Variants in SLC5A8 observed in about 807,000 individuals in gnomAD.
SLC5A8 encodes solute carrier family 5 member 8.
In SLC5A8, 55 loss-of-function variants were observed where a neutral mutation model predicts 71.9. That is an observed-to-expected ratio of 0.77 (90% CI 0.62 to 0.96). SLC5A8 has a LOEUF of 0.96. SLC5A8 is among the 40% of genes least tolerant of loss of function. The probability of loss-of-function intolerance (pLI) is 0.00; values close to 1 mark genes in which losing one functional copy is unlikely to be tolerated. For synonymous variants in SLC5A8, 307 were observed against 276.1 expected, an observed-to-expected ratio of 1.11 and a Z score of -1.11; for missense variants, 701 against 745.3, an observed-to-expected ratio of 0.94 and a Z score of 0.69.
chr12:101,175,948 A>G (rs182912033), intron 10 of SLC5A8, among the ~76,000 whole-genome samples: 1 of 152,170 alleles, frequency 6.6e-6, no homozygotes, highest in African/African-American at 2.4e-5. Context: ...CAAAAAACAG[A>G]AATACCAAAC....
chr12:101,168,277 G>A (rs982944495), intron 10 of SLC5A8, 95 bp from the exon 11 acceptor site: 14 of 1,168,416 alleles, frequency 1.2e-5, no homozygotes, highest in South Asian at 6.3e-5. Flanking sequence ...TAAAGTATTC[G>A]GCCTCCTTCT....
intron 11 of SLC5A8, among the ~76,000 whole-genome samples, chr12:101,167,387 G>C (rs753512405): frequency 1.5e-4 from 23 of 152,214 alleles, no homozygotes; most frequent in Non-Finnish European, 1.6e-4. Flanking sequence ...TGTGAAGTCA[G>C]AGTTCTATGG....
At chr12:101,158,998 TC>T (rs1275351316) in intron 13 of SLC5A8, among the ~76,000 whole-genome samples, 2 of 151,404 alleles carry the variant, frequency 1.3e-5, no homozygotes, top group Non-Finnish European at 2.9e-5. Flanking sequence ...TTTTTGTGGA[TC>T]AAAGAGGATG....
chr12:101,167,689 T>C (rs1247707399), intron 11 of SLC5A8, among the ~76,000 whole-genome samples: 1 of 152,146 alleles, frequency 6.6e-6, no homozygotes, highest in Non-Finnish European at 1.5e-5. Context: ...GCCAAGGTGG[T>C]AAGATTGTGT....
At chr12:101,168,584 ATG>A (rs2051795906) in intron 10 of SLC5A8, among the ~76,000 whole-genome samples, 1 of 152,212 alleles carries the variant, frequency 6.6e-6, no homozygotes, top group African/African-American at 2.4e-5. Context: ...GAGTACTGCT[ATG>A]TGACCAGAGA....
At chr12:101,198,931 G>A (rs948599951) in intron 3 of SLC5A8, among the ~76,000 whole-genome samples, 4 of 151,784 alleles carry the variant, frequency 2.6e-5, no homozygotes, top group Non-Finnish European at 5.9e-5. Flanking sequence ...ATTACAATAA[G>A]ACAGGAAAGA....
intron 11 of SLC5A8, among the ~76,000 whole-genome samples, chr12:101,167,185 C>T (rs164364): frequency 0.45 from 68,446 of 151,940 alleles, 15,996 homozygotes; most frequent in East Asian, 0.65. Context: ...CATTTCATCA[C>T]GCAAAGAATC....
intron 7 of SLC5A8, among the ~76,000 whole-genome samples, chr12:101,185,672 A>C (rs1868603631): frequency 1.3e-5 from 2 of 152,070 alleles, no homozygotes; most frequent in Admixed American, 1.3e-4. Flanking sequence ...TCCACCTCCC[A>C]GGTTCAAGCA....
intron 13 of SLC5A8, among the ~76,000 whole-genome samples, chr12:101,159,955 G>A (rs1225653459): frequency 6.6e-6 from 1 of 152,192 alleles, no homozygotes; most frequent in Non-Finnish European, 1.5e-5. Flanking sequence ...ACCAAGGTGG[G>A]CAGATCACCT....
At position 101,182,898 on chromosome 12, in the gene SLC5A8, A is replaced by G; in HGVS notation, c.1070T>C (p.Ile357Thr). 1.3e-6 allele frequency: 2 copies of G among 1,583,118 alleles called. No individual in the cohort carries two copies. The highest frequency in any genetic ancestry group is 4.6e-5 in the East Asian group (2 of 43,022). The change falls in exon 9 of 15, where the codon ATT becomes ACT. Residue 357 changes from isoleucine to threonine, a missense_variant. Coordinates refer to ENST00000536262, the MANE Select transcript of SLC5A8 (RefSeq NM_145913.5). Reference sequence around the variant, plus strand: ...CACAGTTACTGCTGCTAAGGCATTAATACTGGAGGACACTGTGCTGTAAGG... The same window carrying G: ...CACAGTTACTGCTGCTAAGGCATTAGTACTGGAGGACACTGTGCTGTAAGG... ...SGTLSTVSSS[I>T]NALAAVTVED...
intron 7 of SLC5A8, 84 bp from the exon 8 acceptor site, chr12:101,184,306 C>T (rs1316928734): frequency 3.6e-6 from 4 of 1,125,948 alleles, no homozygotes. Context: ...TGTCTTGTCT[C>T]CTTCGGGAAC....
intron 1 of SLC5A8, among the ~76,000 whole-genome samples, chr12:101,208,404 T>C (rs973487977): frequency 2.0e-5 from 3 of 152,168 alleles, no homozygotes; most frequent in African/African-American, 7.2e-5. Context: ...TGGAGTCCTC[T>C]GGGTAATGGC....
intron 13 of SLC5A8, among the ~76,000 whole-genome samples, chr12:101,160,332 T>C (rs12228953): frequency 0.22 from 32,999 of 152,088 alleles, 3,786 homozygotes; most frequent in South Asian, 0.34. Flanking sequence ...AACTGAGAAA[T>C]AATGAATAGC....
rs376148349 is a variant in SLC5A8, at chr12:101,209,552, G to A, written c.297C>T (p.Ser99=). The change falls in exon 1 of 15, where the codon AGC becomes AGT. Residue 99 remains serine (S), a synonymous_variant. Transcript: ENST00000536262. ...AGAACACCGGGAGGAAGACCTCCGC[G>A]CTGATGACCACCACAAAGAAGTAGG... ...AFTYFFVVVI[S]AEVFLPVFYK... 1.2e-6 allele frequency: 2 copies of A among 1,613,680 alleles called. No individual in the cohort carries two copies. Among genetic ancestry groups the A allele is most frequent in the Admixed American group, 1.7e-5 (1 of 59,996 alleles).
intron 1 of SLC5A8, among the ~76,000 whole-genome samples, chr12:101,204,902 C>T (rs755338576): frequency 7.2e-5 from 11 of 152,140 alleles, no homozygotes; most frequent in Non-Finnish European, 1.2e-4. Flanking sequence ...ATCTGCTTTC[C>T]CTCTCTAGTT....
chr12:101,166,810 G>A (rs1566307231), intron 11 of SLC5A8, 111 bp from the exon 12 acceptor site: 5 of 946,304 alleles, frequency 5.3e-6, no homozygotes, highest in Non-Finnish European at 6.2e-6. Context: ...ACTCACAAGG[G>A]CAGAAACATT....
Position 101,197,961 on chromosome 12 carries a change from G to T in SLC5A8, c.470-2799C>A, listed in dbSNP as rs879327999. ...TAAAACAAATCCATAAATTTCAAAT[G>T]ATTAAAATCATATTAGTTCTCTGAC... On this transcript the variant is annotated intron_variant, in intron 3 of 14. Coordinates refer to ENST00000536262, the MANE Select transcript of SLC5A8 (RefSeq NM_145913.5). 2.6e-5 allele frequency among the ~76,000 whole-genome samples: 4 copies of T among 151,938 alleles called. No individual in the cohort carries two copies. In the South Asian group the frequency reaches 6.2e-4, roughly 24 times the overall value.
chr12:101,190,579 G>C lies in SLC5A8; in HGVS notation c.722C>G (p.Thr241Ser). Residue 241 changes from threonine to serine, a missense_variant, in exon 6 of 15, where the codon ACC becomes AGC. Thr to Ser is a moderately conservative substitution (Grantham distance 58). Coordinates refer to ENST00000536262, the MANE Select transcript of SLC5A8 (RefSeq NM_145913.5). ...CCCTCCTATAATAATTGTCCAGAAG[G>C]TGTGTCTTTGCAAAGGGTTAGGATT... is the stretch of plus-strand genomic sequence containing the variant. Reference protein sequence around the residue: ...NFNPNPLQRHTFWTIIIGGTF... With the variant: ...NFNPNPLQRHSFWTIIIGGTF... 1.9e-6 allele frequency: 3 copies of C among 1,612,788 alleles called. No homozygotes were observed. The highest frequency in any genetic ancestry group is 2.5e-6 in the Non-Finnish European group (3 of 1,179,534).
chr12:101,195,243 G>A, intron 3 of SLC5A8, 81 bp from the exon 4 acceptor site: 1 of 1,470,904 alleles, frequency 6.8e-7, no homozygotes, highest in East Asian at 2.4e-5. Context: ...AGAGAAGGAA[G>A]CTATATCATT....
Sources: allele counts gnomAD v4.1 joint callset (sites outside exome capture counted in the v4.1 genomes callset), GRCh38; gene constraint gnomAD v4.1.1; transcripts MANE v1.5; gene names NCBI Gene and HGNC (gene_info 2026-07-23, HGNC 2026-07-21).